Variants in TENT4B observed in about 807,000 individuals in gnomAD.
TENT4B encodes the protein PAP associated domain containing 5.
A neutral mutation model predicts 75.0 loss-of-function variants in TENT4B; 10 were observed. The ratio of observed to expected loss-of-function variants is 0.13; its 90% CI spans 0.08 to 0.23. TENT4B has a LOEUF of 0.23. Ranked by LOEUF, TENT4B falls within the 10% of genes least tolerant of loss-of-function variation. The pLI is 1.00. For synonymous variants in TENT4B, 350 were observed against 357.7 expected (o/e 0.98, Z 0.24); for missense variants, 579 against 893.8 (o/e 0.65, Z 4.49).
chr16:50,225,157 T>A lies in TENT4B; in HGVS notation c.1672T>A (p.Ser558Thr). Residue 558 changes from serine to threonine, a missense_variant, in exon 10 of 12, where the codon TCT becomes ACT. Transcript: ENST00000561678. Reference protein sequence around the residue: ...QQLDKCNNNLSEENEALGKCR... With the variant: ...QQLDKCNNNLTEENEALGKCR... ...GTTAGATAAATGTAATAATAATCTA[T>A]CTGAAGAAAATGAAGCCCTTGGAAA... The A allele has an allele frequency of 6.2e-7, 1 of 1,613,308 alleles. No individual in the cohort carries two copies. The highest frequency in any genetic ancestry group is 1.7e-5 in the Admixed American group (1 of 59,934).
upstream of TENT4B, chr16:50,153,052 A>G (rs772372381): frequency 2.7e-6 from 4 of 1,485,762 alleles, no homozygotes; most frequent in South Asian, 1.3e-5. Flanking sequence ...AGCACTCCAC[A>G]GATGGCGCAA....
Position 50,230,905 on chromosome 16 carries a change from C to T in TENT4B, c.*1577C>T, listed in dbSNP as rs1024776321. 21 of 984,166 alleles carry T rather than the reference C, an allele frequency of 2.1e-5. No individual in the cohort carries two copies. The highest frequency in any genetic ancestry group is 4.7e-5 in the South Asian group (1 of 21,274). The allele number at this position is 984,166 out of a possible 1,614,324, so 61.0% of individuals were successfully genotyped here. ...CTGTTAAATGCAGCCATTTCTGAGA[C>T]GAGATTCTTTTATATATATATACAT... On this transcript the variant is annotated 3_prime_UTR_variant, in exon 12 of 12. Coordinates refer to ENST00000561678, the MANE Select transcript of TENT4B (RefSeq NM_001365324.3).
Position 50,233,455 on chromosome 16 carries a change from G to A in TENT4B, c.*4127G>A. On this transcript the variant is annotated 3_prime_UTR_variant, in exon 12 of 12. Transcript: ENST00000561678. ...GACCTAACTGGAAGCCTTTTTCTCA[G>A]TCATCTTGTTCTAAGCCATCTTGAC... 1.0e-6 allele frequency: 1 copy of A among 984,652 alleles called. No individual in the cohort carries two copies. Among genetic ancestry groups the A allele is most frequent in the Non-Finnish European group, 1.2e-6 (1 of 829,838 alleles). 61.0% of individuals were successfully genotyped at this position (984,652 alleles called of 1,614,324 possible). A position where few individuals can be genotyped will look rare whatever the true frequency, so the allele number is the denominator to read the frequency against.
intron 11 of TENT4B, 141 bp from the exon 12 acceptor site, chr16:50,229,011 A>G: frequency 6.8e-7 from 1 of 1,460,364 alleles, no homozygotes; most frequent in East Asian, 2.5e-5. Context: ...TTTTCTGCCC[A>G]CTAGATAAGT....
At position 50,153,841 on chromosome 16, in the gene TENT4B, T is replaced by TCGGCCCCGGCCC. The variant is rs755395130; in HGVS notation, c.232_243dup (p.Pro78_Ala81dup). ...CACCGGCAGCCCCGGCGGCGCGGCC[T>TCGGCCCCGGCCC]CGGCCCCGGCCCCGGCCCCGGCCGG... On this transcript the variant is annotated inframe_insertion, in exon 1 of 12. Coordinates refer to ENST00000561678, the MANE Select transcript of TENT4B (RefSeq NM_001365324.3). 1.2e-5 allele frequency: 15 copies of TCGGCCCCGGCCC among 1,273,224 alleles called. No homozygotes were observed. In the East Asian group the frequency reaches 1.6e-4, roughly 13 times the overall value. 78.9% of individuals were successfully genotyped at this position (1,273,224 alleles called of 1,614,324 possible).
rs2037962353 is a variant in TENT4B at position 50,159,395 on chromosome 16, C to T, written c.638+5136C>T. Among the ~76,000 whole-genome samples the T allele has an allele frequency of 2.0e-5, 3 of 151,970 alleles. No homozygotes were observed. In the South Asian group the frequency reaches 6.2e-4, roughly 32 times the overall value. On this transcript the variant is annotated intron_variant, in intron 1 of 11. Transcript: ENST00000561678. ...AAGTAGCTGGGATTACAGGCATGTG[C>T]CACCATGCCTAATTTTGTATCTTTA...
At chr16:50,179,370 ATTTT>A (rs1039738997) in intron 1 of TENT4B, among the ~76,000 whole-genome samples, 1 of 147,868 alleles carries the variant, frequency 6.8e-6, no homozygotes, top group Non-Finnish European at 1.5e-5. Context: ...TCAAAAGAAA[ATTTT>A]TTTTTTTTAC....
intron 1 of TENT4B, among the ~76,000 whole-genome samples, chr16:50,170,012 T>A (rs2038175588): frequency 6.6e-6 from 1 of 152,126 alleles, no homozygotes; most frequent in Non-Finnish European, 1.5e-5. Flanking sequence ...TGCTTTCCCT[T>A]GAAGTGAAAC....
chr16:50,214,152 T>G, intron 2 of TENT4B, 69 bp from the exon 3 acceptor site: 1 of 1,224,326 alleles, frequency 8.2e-7, no homozygotes, highest in South Asian at 1.3e-5. Flanking sequence ...TTTCTCCATA[T>G]CTTGGTGACT....
intron 1 of TENT4B, among the ~76,000 whole-genome samples, chr16:50,206,354 ATTTTT>A (rs35118426): frequency 2.1e-5 from 2 of 96,536 alleles, no homozygotes. Context: ...ATATGTATGT[ATTTTT>A]TTTTTTTTTT....
At chr16:50,155,769 C>A (rs777040190) in intron 1 of TENT4B, among the ~76,000 whole-genome samples, 1 of 152,136 alleles carries the variant, frequency 6.6e-6, no homozygotes, top group Non-Finnish European at 1.5e-5. Flanking sequence ...CAAGTCTACG[C>A]GTAAACCTGT....
chr16:50,217,483 T>C (rs1290460411), intron 4 of TENT4B, 73 bp from the exon 5 acceptor site: 6 of 767,728 alleles, frequency 7.8e-6, no homozygotes, highest in Non-Finnish European at 1.2e-5. Context: ...TCATGTCTAG[T>C]AGGCTTCCAT....
chr16:50,190,146 A>G (rs28414749), intron 1 of TENT4B, among the ~76,000 whole-genome samples: 3,117 of 151,866 alleles, frequency 0.021, 154 homozygotes, highest in African/African-American at 0.072. Context: ...GTTTTCACAA[A>G]CTAGAGCATT....
chr16:50,229,660 T>TAGTA lies in TENT4B; in HGVS notation c.*333_*336dup, dbSNP rs1469684075. ...TGGCTTTATGCAGAGTTATAGGGAATAGTATTCAGTGTTGGTAGGGTGATA... is the reference window on the plus strand; with the variant it reads ...TGGCTTTATGCAGAGTTATAGGGAATAGTAAGTATTCAGTGTTGGTAGGGTGATA... On this transcript the variant is annotated 3_prime_UTR_variant, in exon 12 of 12. Coordinates refer to ENST00000561678, the MANE Select transcript of TENT4B (RefSeq NM_001365324.3). 2.9e-6 allele frequency: 3 copies of TAGTA among 1,020,568 alleles called. No homozygotes were observed. The African/African-American group carries it at 5.1e-5, about 17-fold the overall frequency. The allele number at this position is 1,020,568 out of a possible 1,614,324, so 63.2% of individuals were successfully genotyped here.
At chr16:50,222,909 G>A (rs2031893582) in intron 6 of TENT4B, among the ~76,000 whole-genome samples, 1 of 152,158 alleles carries the variant, frequency 6.6e-6, no homozygotes, top group Admixed American at 6.5e-5. Context: ...CTTTGCTGAT[G>A]TGTTGGGCCA....
intron 1 of TENT4B, among the ~76,000 whole-genome samples, chr16:50,192,249 AT>A (rs1407462590): frequency 7.0e-6 from 1 of 143,594 alleles, no homozygotes; most frequent in East Asian, 2.1e-4. Context: ...AAAAAAAAAA[AT>A]CATTAATAAA....
At chr16:50,155,286 T>TGTGTGTGG (rs2037875243) in intron 1 of TENT4B, among the ~76,000 whole-genome samples, 2 of 150,830 alleles carry the variant, frequency 1.3e-5, no homozygotes, top group Admixed American at 1.3e-4. Context: ...TGTGTGTGTG[T>TGTGTGTGG]GTGTGTGTGT....
At chr16:50,164,628 A>T (rs1206928983) in intron 1 of TENT4B, among the ~76,000 whole-genome samples, 2 of 152,114 alleles carry the variant, frequency 1.3e-5, no homozygotes, top group African/African-American at 4.8e-5. Flanking sequence ...AAATAAAAGA[A>T]ATTTATTCTC....
intron 1 of TENT4B, among the ~76,000 whole-genome samples, chr16:50,170,116 A>G (rs912313084): frequency 2.6e-5 from 4 of 151,598 alleles, no homozygotes; most frequent in Non-Finnish European, 4.4e-5. Context: ...CAGTGGTGCA[A>G]TCTCCGCTCA....
Sources: allele counts gnomAD v4.1 joint callset (sites outside exome capture counted in the v4.1 genomes callset), GRCh38; gene constraint gnomAD v4.1.1; transcripts MANE v1.5; gene names NCBI Gene and HGNC (gene_info 2026-07-23, HGNC 2026-07-21).